The following PVT1 variants were observed in gnomAD, a reference collection of about 807,000 sequenced individuals.
PVT1 encodes CXCR4/PVT1 fusion.
intron 3 of PVT1, among the ~76,000 whole-genome samples, chr8:127,966,682 C>A (rs757615545): frequency 4.6e-5 from 7 of 152,176 alleles, no homozygotes; most frequent in Non-Finnish European, 8.8e-5. Flanking sequence ...GAATTAATTT[C>A]AACAGACTTA....
chr8:128,005,976 G>A (rs979223488), intron 4 of PVT1, among the ~76,000 whole-genome samples: 1 of 151,878 alleles, frequency 6.6e-6, no homozygotes, highest in Admixed American at 6.6e-5. Flanking sequence ...GGTAGTGCGC[G>A]CCTGTAGTCC....
chr8:128,023,260 G>A (rs1357512386), intron 4 of PVT1, among the ~76,000 whole-genome samples: 1 of 152,136 alleles, frequency 6.6e-6, no homozygotes, highest in East Asian at 1.9e-4. Context: ...ACTGGTTCCG[G>A]GAGAAGAAAG....
intron 4 of PVT1, among the ~76,000 whole-genome samples, chr8:128,045,848 C>T (rs189542902): frequency 1.9e-4 from 29 of 152,336 alleles, no homozygotes; most frequent in African/African-American, 7.0e-4. Context: ...TGTTCTAAGA[C>T]TGGGTTGAAG....
At chr8:127,876,884 T>C (rs1039778081) in intron 2 of PVT1, among the ~76,000 whole-genome samples, 1 of 152,226 alleles carries the variant, frequency 6.6e-6, no homozygotes, top group African/African-American at 2.4e-5. Flanking sequence ...GCAAGCTAGA[T>C]GGCTGCCAAA....
chr8:127,827,231 G>T (rs371414834), intron 2 of PVT1, among the ~76,000 whole-genome samples: 6 of 152,104 alleles, frequency 3.9e-5, no homozygotes, highest in African/African-American at 1.4e-4. Flanking sequence ...CCGACCTCAG[G>T]TGATCTGCCT....
chr8:127,937,964 C>G (rs534729726), intron 3 of PVT1, among the ~76,000 whole-genome samples: 5 of 152,142 alleles, frequency 3.3e-5, no homozygotes, highest in African/African-American at 1.2e-4. Flanking sequence ...GTGTGGAGGT[C>G]GACACTGGAG....
At chr8:127,977,698 A>G (rs752618049) in intron 3 of PVT1, among the ~76,000 whole-genome samples, 1 of 151,626 alleles carries the variant, frequency 6.6e-6, no homozygotes, top group Non-Finnish European at 1.5e-5. Flanking sequence ...TCATGCCTCC[A>G]CACTCCAGCC....
chr8:127,890,964 A>G (rs1035618519), exon 3 of PVT1: 1 of 152,358 alleles, frequency 6.6e-6, no homozygotes, highest in African/African-American at 2.4e-5. Flanking sequence ...GAAGCATCTG[A>G]TGCACGTTCC....
intron 3 of PVT1, among the ~76,000 whole-genome samples, chr8:127,907,494 C>T (rs1046485879): frequency 2.0e-5 from 3 of 152,182 alleles, no homozygotes; most frequent in African/African-American, 7.2e-5. Context: ...AGTCATCAGC[C>T]GTGCTGGCCA....
intron 2 of PVT1, among the ~76,000 whole-genome samples, chr8:127,803,970 C>T (rs113347759): frequency 3.3e-5 from 5 of 151,804 alleles, no homozygotes; most frequent in Non-Finnish European, 4.4e-5. Context: ...CTGCCTGCCT[C>T]GGCCTCCCAA....
intron 2 of PVT1, among the ~76,000 whole-genome samples, chr8:127,849,463 T>C (rs1454122619): frequency 6.6e-6 from 1 of 152,130 alleles, no homozygotes; most frequent in Non-Finnish European, 1.5e-5. Context: ...TTCAATCAGA[T>C]AAAGGTAGGA....
intron 2 of PVT1, among the ~76,000 whole-genome samples, chr8:127,812,775 A>G (rs561538659): frequency 5.3e-5 from 8 of 151,870 alleles, no homozygotes; most frequent in African/African-American, 1.9e-4. Context: ...GTCTCAGTCC[A>G]CTCCATTTTG....
rs3041914 is a variant in PVT1 at position 128,058,378 on chromosome 8, A to ATGTGTGTGTGTG, written n.913-11760_913-11749dup. ...TGTAACTAATTAAACAAACTGATGC[A>ATGTGTGTGTGTG]TGTGTGTGTGTGTGTGTGTGTGTGT... On this transcript the variant is annotated intron_variant and non_coding_transcript_variant, in intron 4 of 10. Transcript: ENST00000651587. 5.4e-4 allele frequency among the ~76,000 whole-genome samples: 79 copies of ATGTGTGTGTGTG among 146,674 alleles called. No individual in the cohort carries two copies. In the South Asian group the frequency reaches 8.4e-3, roughly 16 times the overall value.
chr8:127,932,968 T>G (rs1480916893), intron 3 of PVT1, among the ~76,000 whole-genome samples: 2 of 152,248 alleles, frequency 1.3e-5, no homozygotes, highest in Middle Eastern at 3.2e-3. Flanking sequence ...AGCAGTTCTT[T>G]TCATGGGTTA....
intron 3 of PVT1, among the ~76,000 whole-genome samples, chr8:127,934,987 T>C (rs1816255076): frequency 6.6e-6 from 1 of 152,096 alleles, no homozygotes; most frequent in East Asian, 1.9e-4. Flanking sequence ...TTCTTTTTTT[T>C]TGAGACAGAG....
chr8:127,846,696 T>A (rs779395961), intron 2 of PVT1, among the ~76,000 whole-genome samples: 5 of 152,078 alleles, frequency 3.3e-5, no homozygotes, highest in African/African-American at 4.8e-5. Flanking sequence ...GTACTCTCTT[T>A]TTTTTTGAGA....
At position 128,012,123 on chromosome 8, in the gene PVT1, AT is replaced by A. The variant is rs556852812; in HGVS notation, n.912+22833del. Among the ~76,000 whole-genome samples the A allele has an allele frequency of 2.1e-3, 324 of 152,342 alleles. 1 individual carries two copies. Among genetic ancestry groups the A allele is most frequent in the African/African-American group, 7.5e-3 (313 of 41,572 alleles). On this transcript the variant is annotated intron_variant and non_coding_transcript_variant, in intron 4 of 10. Transcript: ENST00000651587. Reference sequence around the variant, plus strand: ...GAGTACATTAGCTCCCATGATTTATATCAAAACATTAGAGTTGACATTCAAT... The same window carrying A: ...GAGTACATTAGCTCCCATGATTTATACAAAACATTAGAGTTGACATTCAAT...
intron 2 of PVT1, among the ~76,000 whole-genome samples, chr8:127,870,963 C>A (rs1815345242): frequency 6.6e-6 from 1 of 151,842 alleles, no homozygotes; most frequent in Non-Finnish European, 1.5e-5. Context: ...CTTTCTGCCT[C>A]CTCCTCCTCC....
At chr8:127,804,846 C>T (rs1814508157) in intron 2 of PVT1, among the ~76,000 whole-genome samples, 1 of 150,804 alleles carries the variant, frequency 6.6e-6, no homozygotes, top group Admixed American at 6.6e-5. Context: ...TGAGCCACCA[C>T]ATCTGGACAC....
Sources: gnomAD v4.1 joint callset for allele counts (sites outside exome capture counted in the v4.1 genomes callset) on GRCh38, gnomAD v4.1.1 for gene constraint, MANE v1.5 for transcripts, NCBI Gene and HGNC (gene_info 2026-07-23, HGNC 2026-07-21) for gene names.